COL23A1: variants seen among roughly 807,000 people sequenced by gnomAD.
The protein encoded by COL23A1 is collagen type XXIII alpha 1 chain.
In COL23A1, 97 loss-of-function variants were observed where a neutral mutation model predicts 99.3. The observed-to-expected ratio is 0.98, with a 90% CI of 0.83 to 1.16. COL23A1 has a LOEUF of 1.16. COL23A1 is among the 50% of genes most tolerant of loss of function. COL23A1 has a pLI of 0.00. For missense variants in COL23A1, 762 were observed against 757.4 expected (o/e 1.01, Z -0.07); for synonymous variants, 320 against 308.2 (o/e 1.04, Z -0.40).
intron 8 of COL23A1, chr5:178,265,513 G>A (rs545919517): frequency 5.0e-6 from 1 of 199,534 alleles, no homozygotes; most frequent in African/African-American, 2.4e-5. Context: ...GATCCTGGGA[G>A]AGGTTCTTAG....
At position 178,537,018 on chromosome 5, in the gene COL23A1, C is replaced by A. The variant is rs149037222; in HGVS notation, c.361+23664G>T. Among the ~76,000 whole-genome samples, 334 of 152,362 alleles carry A rather than the reference C, an allele frequency of 2.2e-3. 2 individuals are homozygous for A. Among genetic ancestry groups the A allele is most frequent in the African/African-American group, 7.7e-3 (320 of 41,592 alleles). On this transcript the variant is annotated intron_variant, in intron 2 of 28. Transcript: ENST00000390654. ...CGCCGACGGCTGCTCCTCTGCTCTT[C>A]CGGTCCACTCCTGCTTACCTTCCAG... is the stretch of plus-strand genomic sequence containing the variant.
chr5:178,547,026 G>A (rs1295496555), intron 2 of COL23A1, among the ~76,000 whole-genome samples: 15 of 152,194 alleles, frequency 9.9e-5, no homozygotes, highest in African/African-American at 3.4e-4. Context: ...CCTTCTGGGA[G>A]CGCCTGGGTC....
At chr5:178,243,252 C>T (rs1764505004) in intron 25 of COL23A1, among the ~76,000 whole-genome samples, 1 of 151,724 alleles carries the variant, frequency 6.6e-6, no homozygotes, top group African/African-American at 2.4e-5. Flanking sequence ...CTTTGGGAAG[C>T]CAAGGCAGGC....
chr5:178,422,545 T>TC (rs1409590018), intron 2 of COL23A1, among the ~76,000 whole-genome samples: 1 of 151,536 alleles, frequency 6.6e-6, no homozygotes, highest in Non-Finnish European at 1.5e-5. Context: ...AGGCACATCA[T>TC]CCCCCCGCTG....
At chr5:178,286,301 C>A (rs1315694228) in intron 5 of COL23A1, among the ~76,000 whole-genome samples, 1 of 152,166 alleles carries the variant, frequency 6.6e-6, no homozygotes. Flanking sequence ...AGTGGGGGGG[C>A]TTGCTGGACC....
At chr5:178,582,252 G>T (rs1212156293) in intron 1 of COL23A1, among the ~76,000 whole-genome samples, 1 of 150,226 alleles carries the variant, frequency 6.7e-6, no homozygotes, top group Non-Finnish European at 1.5e-5. Flanking sequence ...AGAAGGATGG[G>T]CAAGCCATTA....
At position 178,343,597 on chromosome 5, in the gene COL23A1, G is replaced by A. The variant is rs561711718; in HGVS notation, c.362-36678C>T. The stretch of plus-strand genomic sequence containing the variant: ...TTTCTTGAAGCTGGATGTGGGGTCC[G>A]TGCATGGGAGTTCATGACACTGTTC... On this transcript the variant is annotated intron_variant, in intron 2 of 28. Transcript: ENST00000390654. Among the ~76,000 whole-genome samples the A allele has an allele frequency of 5.9e-5, 9 of 152,030 alleles. No individual in the cohort carries two copies. In the South Asian group the frequency reaches 6.2e-4, roughly 10 times the overall value.
intron 2 of COL23A1, among the ~76,000 whole-genome samples, chr5:178,474,524 C>CA (rs11361854): frequency 4.6e-5 from 7 of 151,770 alleles, no homozygotes; most frequent in South Asian, 2.1e-4. Context: ...TGTGAGATGT[C>CA]AAAAAAAAAA....
At chr5:178,327,266 G>C (rs1759738790) in intron 2 of COL23A1, among the ~76,000 whole-genome samples, 1 of 152,214 alleles carries the variant, frequency 6.6e-6, no homozygotes, top group African/African-American at 2.4e-5. Context: ...TGGGAGATAA[G>C]ATGCAAACAG....
chr5:178,327,207 C>A (rs1759735284), intron 2 of COL23A1, among the ~76,000 whole-genome samples: 1 of 152,234 alleles, frequency 6.6e-6, no homozygotes. Flanking sequence ...TACTGGGATA[C>A]TTCGGTGAGT....
intron 2 of COL23A1, among the ~76,000 whole-genome samples, chr5:178,398,604 G>C (rs1480786550): frequency 6.6e-6 from 1 of 152,228 alleles, no homozygotes; most frequent in Non-Finnish European, 1.5e-5. Flanking sequence ...TCCAGCCTGG[G>C]AGACGGAATG....
At position 178,252,595 on chromosome 5, in the gene COL23A1, C is replaced by G. The variant is rs776010951; in HGVS notation, c.963G>C (p.Gly321=). ...CTGGGGGCCCCTGTGGTCCGGGAGG[C>G]CCCTGTGTGTGAGAGTGAAGCCGGT... The part of the protein sequence containing the change: ...YDGRILDALK[G]PPGPQGPPGP... The change falls in exon 17 of 29, where the codon GGG becomes GGC. Residue 321 remains glycine, a splice_region_variant and synonymous_variant. Transcript: ENST00000390654. 6.2e-7 allele frequency: 1 copy of G among 1,609,408 alleles called. No homozygotes were observed. The highest frequency in any genetic ancestry group is 1.7e-5 in the Admixed American group (1 of 59,446).
chr5:178,565,306 CG>C (rs1372714710), intron 1 of COL23A1, among the ~76,000 whole-genome samples: 1 of 152,180 alleles, frequency 6.6e-6, no homozygotes, highest in Non-Finnish European at 1.5e-5. Context: ...AGGGCAATTT[CG>C]GAGCGACAGA....
At chr5:178,518,716 A>G (rs1397045049) in intron 2 of COL23A1, among the ~76,000 whole-genome samples, 3 of 140,804 alleles carry the variant, frequency 2.1e-5, no homozygotes, top group Non-Finnish European at 3.2e-5. Flanking sequence ...CCAGGCAGAG[A>G]CACTCCTCAC....
At chr5:178,321,558 C>T (rs1055375911) in intron 2 of COL23A1, among the ~76,000 whole-genome samples, 3 of 138,002 alleles carry the variant, frequency 2.2e-5, no homozygotes, top group African/African-American at 5.5e-5. Flanking sequence ...GGCACGATCT[C>T]GGCTCACTGC....
intron 2 of COL23A1, among the ~76,000 whole-genome samples, chr5:178,382,531 G>A (rs1270030410): frequency 4.5e-4 from 69 of 152,138 alleles, no homozygotes; most frequent in Non-Finnish European, 1.2e-4. Context: ...GGTAGGCGAC[G>A]GGGAAGAGTA....
At chr5:178,247,867 C>G (rs1324562450) in intron 20 of COL23A1, 36 bp from the exon 21 acceptor site, 3 of 1,582,544 alleles carry the variant, frequency 1.9e-6, no homozygotes, top group South Asian at 2.2e-5. Context: ...TCACCCACCG[C>G]CTGTCACCCT....
chr5:178,588,025 C>G lies in COL23A1; in HGVS notation c.294+1879G>C, dbSNP rs1417699264. 1.2e-4 allele frequency among the ~76,000 whole-genome samples: 19 copies of G among 152,244 alleles called. 1 individual carries two copies. Among genetic ancestry groups the G allele is most frequent in the Admixed American group, 1.2e-3 (19 of 15,288 alleles). On this transcript the variant is annotated intron_variant, in intron 1 of 28. Coordinates refer to ENST00000390654, the MANE Select transcript of COL23A1 (RefSeq NM_173465.4). ...CACAGCATGCGCCTCAGATACCCAG[C>G]TGGGATTAGCGAGCAGGACCACGTG...
intron 2 of COL23A1, among the ~76,000 whole-genome samples, chr5:178,329,941 A>G (rs1268995813): frequency 6.6e-6 from 1 of 151,620 alleles, no homozygotes; most frequent in Non-Finnish European, 1.5e-5. Context: ...TGTCTCAAAA[A>G]AAAAAAAAAA....
Sources: gnomAD v4.1 joint callset for allele counts (sites outside exome capture counted in the v4.1 genomes callset) on GRCh38, gnomAD v4.1.1 for gene constraint, MANE v1.5 for transcripts, NCBI Gene and HGNC (gene_info 2026-07-23, HGNC 2026-07-21) for gene names.